The following HMGN3 variants were observed in gnomAD, a reference collection of about 807,000 sequenced individuals.
The protein encoded by HMGN3 is high mobility group nucleosome-binding domain-containing protein 3.
Under a neutral mutation model 18.8 loss-of-function variants are expected in HMGN3, and 6 were observed. The observed-to-expected ratio is 0.32, with a 90% CI of 0.18 to 0.63. The LOEUF (loss-of-function observed/expected upper bound fraction) is 0.63, where lower values mean the gene tolerates loss of function less well. Among genes scored for constraint, HMGN3 ranks in the 30% least tolerant of loss-of-function variants. The probability of loss-of-function intolerance (pLI) is 0.79; values close to 1 mark genes in which losing one functional copy is unlikely to be tolerated. For synonymous variants in HMGN3, 40 were observed against 36.5 expected (o/e 1.10, Z -0.35); for missense variants, 107 against 114.2 (o/e 0.94, Z 0.29).
intron 1 of HMGN3, among the ~76,000 whole-genome samples, chr6:79,218,307 A>G (rs955173841): frequency 6.6e-5 from 10 of 152,234 alleles, no homozygotes; most frequent in Admixed American, 2.0e-4. Flanking sequence ...CTTATACAAC[A>G]ATATGATACT....
Position 79,215,034 on chromosome 6 carries a change from A to C in HMGN3, c.16-12T>G. The C allele has an allele frequency of 6.9e-7, 1 of 1,441,442 alleles. No individual in the cohort carries two copies. Among genetic ancestry groups the C allele is most frequent in the Non-Finnish European group, 9.5e-7 (1 of 1,050,380 alleles). The allele number at this position is 1,441,442 out of a possible 1,614,324, so 89.3% of individuals were successfully genotyped here. A position where few individuals can be genotyped will look rare whatever the true frequency, so the allele number is the denominator to read the frequency against. The stretch of plus-strand genomic sequence containing the variant: ...GTATTCTCTGGAGACTAGAAAGAAA[A>C]TATTTCAGTGAATTGTATTTAAATT... On this transcript the variant is annotated splice_polypyrimidine_tract_variant and intron_variant, in intron 1 of 5. Coordinates refer to ENST00000344726, the Ensembl canonical transcript of HMGN3.
chr6:79,220,434 C>T (rs1561997231), intron 1 of HMGN3, among the ~76,000 whole-genome samples: 1 of 152,132 alleles, frequency 6.6e-6, no homozygotes, highest in East Asian at 1.9e-4. Context: ...TACAGGACTA[C>T]ACTTCTACAA....
At chr6:79,206,496 C>G (rs1447546063) in intron 3 of HMGN3, among the ~76,000 whole-genome samples, 1 of 152,150 alleles carries the variant, frequency 6.6e-6, no homozygotes, top group Non-Finnish European at 1.5e-5. Context: ...TGGTGTTGAG[C>G]CTGCGAGTGT....
At chr6:79,206,337 C>T (rs551494566) in intron 3 of HMGN3, among the ~76,000 whole-genome samples, 21 of 152,224 alleles carry the variant, frequency 1.4e-4, no homozygotes, top group South Asian at 8.3e-4. Context: ...AAAATGGCTT[C>T]GTGGGCCTGA....
In HMGN3 at chr6:79,203,600, G is replaced by C. The variant is rs747342493; in HGVS notation, c.127C>G (p.Pro43Ala). 5.0e-6 allele frequency: 8 copies of C among 1,612,866 alleles called. No individual in the cohort carries two copies. In the South Asian group the frequency reaches 8.8e-5, roughly 18 times the overall value. ...CTTACCTTAGCAGATGTTTTTCTTGGTTTGGGTTCAGGTTTTGGTGGAGCA... is the reference window on the plus strand; with the variant it reads ...CTTACCTTAGCAGATGTTTTTCTTGCTTTGGGTTCAGGTTTTGGTGGAGCA... Residue 43 changes from proline to alanine, a missense_variant, in exon 4 of 6, where the codon CCA becomes GCA. Pro to Ala is a conservative substitution (Grantham distance 27). Transcript: ENST00000344726.
At chr6:79,224,760 A>C (rs1777479694) in intron 1 of HMGN3, among the ~76,000 whole-genome samples, 2 of 152,226 alleles carry the variant, frequency 1.3e-5, no homozygotes, top group Non-Finnish European at 2.9e-5. Context: ...AAGTGGCAGA[A>C]TTCACACTAG....
intron 1 of HMGN3, among the ~76,000 whole-genome samples, chr6:79,225,320 T>C (rs1777515169): frequency 6.6e-6 from 1 of 152,192 alleles, no homozygotes; most frequent in South Asian, 2.1e-4. Flanking sequence ...ATAATCAAAA[T>C]ATAATTTTAA....
At chr6:79,222,657 T>C (rs1777358469) in intron 1 of HMGN3, among the ~76,000 whole-genome samples, 1 of 152,218 alleles carries the variant, frequency 6.6e-6, no homozygotes, top group South Asian at 2.1e-4. Flanking sequence ...TATTACTACA[T>C]TGCTTTTAAA....
intron 4 of HMGN3, among the ~76,000 whole-genome samples, chr6:79,203,367 C>T (rs1776248563): frequency 6.6e-6 from 1 of 152,194 alleles, no homozygotes; most frequent in Non-Finnish European, 1.5e-5. Context: ...CTCAGAGCAA[C>T]ATCTCTGACT....
chr6:79,234,369 G>GTA (rs1778034890), intron 1 of HMGN3, 177 bp downstream of exon 1: 3 of 510,026 alleles, frequency 5.9e-6, no homozygotes, highest in Non-Finnish European at 1.0e-5. Context: ...GACGGAGTGG[G>GTA]TAGGGGGGAC....
chr6:79,212,840 T>A (rs1776767590), intron 2 of HMGN3, among the ~76,000 whole-genome samples: 1 of 151,924 alleles, frequency 6.6e-6, no homozygotes, highest in Non-Finnish European at 1.5e-5. Context: ...AGAAAAAAAA[T>A]CAATCAATCA....
intron 3 of HMGN3, 146 bp downstream of exon 3, chr6:79,208,401 T>C (rs1225904137): frequency 3.1e-5 from 22 of 715,298 alleles, no homozygotes; most frequent in Non-Finnish European, 5.0e-5. Flanking sequence ...CTGGTCAAAT[T>C]TGCTAGACAT....
In HMGN3 at chr6:79,223,177, G is replaced by A. The variant is rs551360283; in HGVS notation, c.16-8155C>T. On this transcript the variant is annotated intron_variant, in intron 1 of 5. Coordinates refer to ENST00000344726, the Ensembl canonical transcript of HMGN3. ...GCAGATCACTTGAGGCCAGGAGTTCGAGACCAGCCTGGCCAACATGGCAAA... is the reference window on the plus strand; with the variant it reads ...GCAGATCACTTGAGGCCAGGAGTTCAAGACCAGCCTGGCCAACATGGCAAA... 4.6e-5 allele frequency among the ~76,000 whole-genome samples: 7 copies of A among 152,218 alleles called. No homozygotes were observed. In the East Asian group the frequency reaches 7.7e-4, roughly 17 times the overall value.
intron 1 of HMGN3, among the ~76,000 whole-genome samples, chr6:79,232,008 A>C (rs1777862470): frequency 6.6e-6 from 1 of 152,108 alleles, no homozygotes. Context: ...AGAACAACTT[A>C]CTCAGATGTT....
chr6:79,201,704 T>A (rs1193836161), exon 6 of HMGN3: 1 of 1,599,582 alleles, frequency 6.3e-7, no homozygotes, highest in East Asian at 2.2e-5. Context: ...TCCCTCGTTA[T>A]CTACAGATTC....
At chr6:79,213,395 T>C (rs1199828422) in intron 2 of HMGN3, among the ~76,000 whole-genome samples, 1 of 152,234 alleles carries the variant, frequency 6.6e-6, no homozygotes, top group Non-Finnish European at 1.5e-5. Context: ...CTGGGTGCCA[T>C]GGTGTTTCTA....
chr6:79,207,771 G>A (rs1193994513), intron 3 of HMGN3, among the ~76,000 whole-genome samples: 1 of 152,146 alleles, frequency 6.6e-6, no homozygotes, highest in Admixed American at 6.5e-5. Flanking sequence ...GAAGACCAAA[G>A]TAGCATGAAG....
intron 3 of HMGN3, among the ~76,000 whole-genome samples, chr6:79,206,211 G>C (rs549685183): frequency 1.3e-5 from 2 of 152,290 alleles, no homozygotes; most frequent in East Asian, 3.9e-4. Context: ...GCAGAAATTT[G>C]CATGAGTAAT....
At chr6:79,225,242 A>C (rs1777510625) in intron 1 of HMGN3, among the ~76,000 whole-genome samples, 1 of 152,230 alleles carries the variant, frequency 6.6e-6, no homozygotes, top group South Asian at 2.1e-4. Context: ...GAGTGAGCAA[A>C]AAGTAAAAGA....
Sources: allele counts gnomAD v4.1 joint callset (sites outside exome capture counted in the v4.1 genomes callset), GRCh38; gene constraint gnomAD v4.1.1; transcripts MANE v1.5; gene names NCBI Gene and HGNC (gene_info 2026-07-23, HGNC 2026-07-21).